The following SESN1 variants were observed in gnomAD, a reference collection of about 807,000 sequenced individuals.
SESN1 encodes sestrin 1, also known as sestrin-1.
In SESN1, 30 loss-of-function variants were observed where a neutral mutation model predicts 59.3. That is an observed-to-expected ratio of 0.51 (90% CI 0.38 to 0.69). The LOEUF (loss-of-function observed/expected upper bound fraction) is 0.69, where lower values mean the gene tolerates loss of function less well. Ranked by LOEUF, SESN1 falls within the 30% of genes least tolerant of loss-of-function variation. SESN1 has a pLI of 0.00. For missense variants in SESN1, 566 were observed against 673.0 expected, an observed-to-expected ratio of 0.84 and a Z score of 1.76; for synonymous variants, 197 against 219.9, an observed-to-expected ratio of 0.90 and a Z score of 0.92.
chr6:109,028,939 T>C (rs1209681379), intron 1 of SESN1, among the ~76,000 whole-genome samples: 2 of 152,150 alleles, frequency 1.3e-5, no homozygotes, highest in Non-Finnish European at 2.9e-5. Context: ...TATCTCTGAA[T>C]TGGGGCTGAA....
intron 1 of SESN1, among the ~76,000 whole-genome samples, chr6:109,040,187 A>G (rs1445190637): frequency 1.3e-5 from 2 of 152,086 alleles, no homozygotes; most frequent in African/African-American, 4.8e-5. Flanking sequence ...AGCAACAACT[A>G]CCCCCACCAC....
chr6:109,063,048 G>C (rs1475060699), intron 1 of SESN1, among the ~76,000 whole-genome samples: 1 of 152,152 alleles, frequency 6.6e-6, no homozygotes, highest in Admixed American at 6.5e-5. Flanking sequence ...CGAGATGTCT[G>C]AAAGTATACC....
chr6:109,063,764 A>G (rs1780769441), intron 1 of SESN1, among the ~76,000 whole-genome samples: 1 of 152,136 alleles, frequency 6.6e-6, no homozygotes, highest in Non-Finnish European at 1.5e-5. Flanking sequence ...ATTCGTCACC[A>G]GGGGAGTTTT....
At chr6:109,027,651 G>A (rs990508044) in intron 1 of SESN1, among the ~76,000 whole-genome samples, 7 of 152,034 alleles carry the variant, frequency 4.6e-5, no homozygotes, top group African/African-American at 9.7e-5. Flanking sequence ...CACAACTGGT[G>A]AGGAGCAGGT....
chr6:108,988,733 C>T, intron 8 of SESN1, 46 bp from the exon 9 acceptor site: 2 of 1,459,566 alleles, frequency 1.4e-6, no homozygotes, highest in Non-Finnish European at 9.3e-7. Flanking sequence ...AGTGTATAAC[C>T]TGTTTTCATC....
At chr6:109,056,958 C>T (rs1205089714) in intron 1 of SESN1, among the ~76,000 whole-genome samples, 1 of 152,210 alleles carries the variant, frequency 6.6e-6, no homozygotes, top group Non-Finnish European at 1.5e-5. Context: ...CACACACACT[C>T]TAGACCCTCC....
At chr6:109,063,068 G>A (rs1228029803) in intron 1 of SESN1, among the ~76,000 whole-genome samples, 2 of 152,088 alleles carry the variant, frequency 1.3e-5, no homozygotes, top group Non-Finnish European at 2.9e-5. Context: ...CAAACGAATG[G>A]GTTATAGAGC....
chr6:108,995,482 T>C (rs910624933), intron 5 of SESN1, among the ~76,000 whole-genome samples: 3 of 152,180 alleles, frequency 2.0e-5, no homozygotes, highest in Non-Finnish European at 4.4e-5. Context: ...GTGTCACACA[T>C]AGAGTAATGG....
intron 1 of SESN1, among the ~76,000 whole-genome samples, chr6:109,068,637 T>C (rs1298495703): frequency 2.6e-5 from 4 of 151,478 alleles, no homozygotes; most frequent in African/African-American, 7.3e-5. Flanking sequence ...AGAAGAGTAA[T>C]TTGAGATTCA....
intron 1 of SESN1, among the ~76,000 whole-genome samples, chr6:109,053,321 G>C (rs1780573863): frequency 6.6e-6 from 1 of 152,054 alleles, no homozygotes; most frequent in East Asian, 1.9e-4. Context: ...TAATGAACTG[G>C]GATGAAAACC....
At chr6:109,040,657 CTT>C (rs34916346) in intron 1 of SESN1, among the ~76,000 whole-genome samples, 14 of 142,032 alleles carry the variant, frequency 9.9e-5, no homozygotes, top group Non-Finnish European at 1.1e-4. Flanking sequence ...CTAGCATAAT[CTT>C]TTTTTTTTTT....
At chr6:109,073,888 C>T (rs575025428) in intron 1 of SESN1, among the ~76,000 whole-genome samples, 1 of 152,236 alleles carries the variant, frequency 6.6e-6, no homozygotes, top group African/African-American at 2.4e-5. Context: ...TAGATTAACT[C>T]ATTATAGAAA....
At position 109,040,938 on chromosome 6, in the gene SESN1, C is replaced by T. The variant is rs569334093; in HGVS notation, c.280-38595G>A. ...AAGTGCTGGGATTACAGGCGTGAGC[C>T]ACCGCACCTGGCCCAAACTAGCATA... On this transcript the variant is annotated intron_variant, in intron 1 of 9. Transcript: ENST00000436639. 4.2e-4 allele frequency among the ~76,000 whole-genome samples: 64 copies of T among 151,978 alleles called. 2 individuals are homozygous for T. In the South Asian group the frequency reaches 0.013, roughly 31 times the overall value.
intron 1 of SESN1, among the ~76,000 whole-genome samples, chr6:109,013,067 G>A (rs371145134): frequency 6.7e-6 from 1 of 150,106 alleles, no homozygotes; most frequent in East Asian, 2.0e-4. Context: ...GATGAGCCAA[G>A]ATCGCACCAT....
intron 1 of SESN1, among the ~76,000 whole-genome samples, chr6:109,006,586 C>CT (rs1328676175): frequency 6.6e-6 from 1 of 152,110 alleles, no homozygotes; most frequent in African/African-American, 2.4e-5. Context: ...TCAATGACAT[C>CT]TGGTTCTAGA....
chr6:109,077,747 A>G (rs1285384094), intron 1 of SESN1, among the ~76,000 whole-genome samples: 1 of 152,260 alleles, frequency 6.6e-6, no homozygotes, highest in East Asian at 1.9e-4. Context: ...AACTTAATCT[A>G]ACATTATAGT....
In SESN1 at chr6:109,022,525, C is replaced by T. The variant is rs375300279; in HGVS notation, c.280-20182G>A. On this transcript the variant is annotated intron_variant, in intron 1 of 9. Coordinates refer to ENST00000436639, the MANE Select transcript of SESN1 (RefSeq NM_014454.3). ...GCAAGCTCCACCTCCCGGGTTCATG[C>T]CATTCTCCTGCCTCAGCCTCCTACA... Among the ~76,000 whole-genome samples, 3 of 146,606 alleles carry T rather than the reference C, an allele frequency of 2.0e-5. No individual in the cohort carries two copies. In the East Asian group the frequency reaches 6.4e-4, roughly 31 times the overall value.
intron 7 of SESN1, 146 bp downstream of exon 7, chr6:108,992,639 AAC>A: frequency 1.5e-6 from 1 of 651,874 alleles, no homozygotes; most frequent in South Asian, 1.8e-5. Context: ...ATGAATTAGA[AAC>A]AGTCTTTCAC....
At chr6:108,989,041 C>T (rs993043447) in intron 8 of SESN1, among the ~76,000 whole-genome samples, 2 of 152,132 alleles carry the variant, frequency 1.3e-5, no homozygotes, top group Admixed American at 6.5e-5. Flanking sequence ...CTTGCCCTGT[C>T]GCCCAGGCTG....
Sources: allele counts gnomAD v4.1 joint callset (sites outside exome capture counted in the v4.1 genomes callset), GRCh38; gene constraint gnomAD v4.1.1; transcripts MANE v1.5; gene names NCBI Gene and HGNC (gene_info 2026-07-23, HGNC 2026-07-21).